The following PAN2 variants were observed in gnomAD, a reference collection of about 807,000 sequenced individuals.
The protein encoded by PAN2 is PAN2-PAN3 deadenylation complex catalytic subunit PAN2.
In PAN2, 68 loss-of-function variants were observed where a neutral mutation model predicts 133.3. The observed-to-expected ratio is 0.51, with a 90% CI of 0.42 to 0.62. The LOEUF is 0.62. PAN2 is among the 20% of genes least tolerant of loss of function. PAN2 has a pLI of 0.00. For synonymous variants in PAN2, 462 were observed against 544.6 expected (o/e 0.85, Z 2.11); for missense variants, 1,042 against 1,500.5 (o/e 0.69, Z 5.05).
rs1874205748 is a variant in PAN2, at chr12:56,318,979, G to C, written c.3364+109C>G. 16 of 989,282 alleles carry C rather than the reference G, an allele frequency of 1.6e-5. No homozygotes were observed. The South Asian group carries it at 2.1e-4, about 13-fold the overall frequency. The allele number at this position is 989,282 out of a possible 1,614,324, so 61.3% of individuals were successfully genotyped here. ...GTTTCTGAGTTAGTTCACTTAGTATGATGGCCCACAGCTCCATCCATGTTG... is the reference window on the plus strand; with the variant it reads ...GTTTCTGAGTTAGTTCACTTAGTATCATGGCCCACAGCTCCATCCATGTTG... On this transcript the variant is annotated intron_variant, in intron 24 of 25. Coordinates refer to ENST00000440411, the MANE Select transcript of PAN2 (RefSeq NM_014871.6).
chr12:56,332,909 G>A lies in PAN2; in HGVS notation c.186C>T (p.Tyr62=), dbSNP rs770328461. 1.7e-5 allele frequency: 27 copies of A among 1,614,050 alleles called. No homozygotes were observed. The highest frequency in any genetic ancestry group is 1.1e-4 in the East Asian group (5 of 44,900). ...QESVHIMEGV[Y]SELHSVVAEV... ...CAGCCACCACGCTGTGCAATTCAGA[G>A]TAGACACCTTCCATTATGTGCACTG... Residue 62 remains tyrosine, a synonymous_variant, in exon 2 of 26, where the codon TAC becomes TAT. Coordinates refer to ENST00000440411, the MANE Select transcript of PAN2 (RefSeq NM_014871.6).
At chr12:56,324,518 G>C in intron 11 of PAN2, 25 bp from the exon 12 acceptor site, 1 of 1,612,660 alleles carries the variant, frequency 6.2e-7, no homozygotes, top group East Asian at 2.2e-5. Context: ...GTGGAAAGGG[G>C]TTATTTTGTC....
chr12:56,327,104 A>G (rs1875206060), intron 6 of PAN2, 145 bp from the exon 7 acceptor site: 3 of 767,664 alleles, frequency 3.9e-6, no homozygotes, highest in Admixed American at 5.7e-5. Flanking sequence ...CGTGCCTTCC[A>G]TAAACCACAG....
intron 24 of PAN2, 63 bp from the exon 25 acceptor site, chr12:56,318,497 C>T (rs1874150083): frequency 2.3e-6 from 3 of 1,277,318 alleles, no homozygotes; most frequent in African/African-American, 3.0e-5. Context: ...CATGTCTCCC[C>T]ACTCCTACCT....
At chr12:56,324,870 T>C (rs1234987424) in intron 10 of PAN2, 139 bp downstream of exon 10, 4 of 1,363,654 alleles carry the variant, frequency 2.9e-6, no homozygotes, top group Admixed American at 4.7e-5. Flanking sequence ...TTGAAAGTTG[T>C]AGAGGCAAGA....
At chr12:56,320,600 T>C (rs1299960751) in intron 20 of PAN2, among the ~76,000 whole-genome samples, 1 of 151,670 alleles carries the variant, frequency 6.6e-6, no homozygotes, top group Non-Finnish European at 1.5e-5. Flanking sequence ...GCTGAGATCA[T>C]GCCATTGCAC....
At position 56,319,012 on chromosome 12, in the gene PAN2, G is replaced by C. The variant is rs1407817683; in HGVS notation, c.3364+76C>G. 1.1e-5 allele frequency: 15 copies of C among 1,424,316 alleles called. No individual in the cohort carries two copies. The highest frequency in any genetic ancestry group is 7.9e-6 in the Non-Finnish European group (8 of 1,009,936). 88.2% of individuals were successfully genotyped at this position (1,424,316 alleles called of 1,614,324 possible). On this transcript the variant is annotated intron_variant, in intron 24 of 25. Coordinates refer to ENST00000440411, the MANE Select transcript of PAN2 (RefSeq NM_014871.6). The surrounding 1 kb of genome is among the most constrained non-coding windows in gnomAD (Gnocchi z 5.4). ...ACAGCTCCATCCATGTTGCCGCAAA[G>C]AACATGATTTCTTTTTTTTTAAATG...
chr12:56,322,630 G>A lies in PAN2; in HGVS notation c.2622C>T (p.Tyr874=). The A allele has an allele frequency of 6.2e-7, 1 of 1,614,184 alleles. No individual in the cohort carries two copies. Among genetic ancestry groups the A allele is most frequent in the East Asian group, 2.2e-5 (1 of 44,880 alleles). Residue 874 remains tyrosine, a synonymous_variant, in exon 18 of 26, where the codon TAC becomes TAT. Coordinates refer to ENST00000440411, the MANE Select transcript of PAN2 (RefSeq NM_014871.6). ...LVAHIKVGET[Y]HQRKEGVTHQ... is the part of the protein sequence containing the mutation. The stretch of plus-strand genomic sequence containing the variant: ...CCTCACTCACCTCCTTGCGCTGGTG[G>A]TAGGTCTCTCCAACTTTGATGTGAG...
rs1874293081 is a variant in PAN2 at position 56,319,959 on chromosome 12, T to G, written c.2851A>C (p.Lys951Gln). Reference sequence around the variant, plus strand: ...AGTGGAATAAAGGTAGTATGTGTTTTCCGCTGCTTCCGTGCCAGCGAGGCT... The same window carrying G: ...AGTGGAATAAAGGTAGTATGTGTTTGCCGCTGCTTCCGTGCCAGCGAGGCT... ...AEASLARKQR[K>Q]THTTFIPLML... Residue 951 changes from lysine (K) to glutamine (Q), a missense_variant, in exon 21 of 26, where the codon AAA (lysine) becomes CAA (glutamine). This residue lies in a region of PAN2 where 908 missense variants were observed against 1,223.5 expected (regional missense o/e 0.74). Transcript: ENST00000440411. The surrounding 1 kb of genome is among the most constrained non-coding windows in gnomAD (Gnocchi z 5.4). The G allele has an allele frequency of 6.2e-7, 1 of 1,614,066 alleles. No homozygotes were observed. The highest frequency in any genetic ancestry group is 8.5e-7 in the Non-Finnish European group (1 of 1,180,038).
At chr12:56,331,524 A>G (rs1480027266) in intron 2 of PAN2, among the ~76,000 whole-genome samples, 1 of 152,028 alleles carries the variant, frequency 6.6e-6, no homozygotes, top group African/African-American at 2.4e-5. Flanking sequence ...TTTTTACCTC[A>G]CTGTCCTGTA....
At position 56,329,698 on chromosome 12, in the gene PAN2, C is replaced by G. The variant is rs143954001; in HGVS notation, c.283-1057G>C. 4.6e-5 allele frequency among the ~76,000 whole-genome samples: 7 copies of G among 151,226 alleles called. No individual in the cohort carries two copies. In the South Asian group the frequency reaches 1.5e-3, roughly 32 times the overall value. ...TGTGGCTCACACTGTAATCCCAGCA[C>G]TTTGGGAGGCCAAGGCAGGTGGATC... is the stretch of plus-strand genomic sequence containing the variant. On this transcript the variant is annotated intron_variant, in intron 2 of 25. Coordinates refer to ENST00000440411, the MANE Select transcript of PAN2 (RefSeq NM_014871.6).
intron 7 of PAN2, 92 bp downstream of exon 7, chr12:56,326,525 G>T (rs1422515065): frequency 6.0e-6 from 9 of 1,507,500 alleles, no homozygotes; most frequent in Non-Finnish European, 8.0e-6. Flanking sequence ...AATCAGGAAA[G>T]TAGTAGAATA....
rs548425374 is a variant in PAN2 at position 56,327,703 on chromosome 12, TG to T, written c.652-73del. The T allele has an allele frequency of 9.8e-6, 15 of 1,529,622 alleles. No individual in the cohort carries two copies. The East Asian group carries it at 3.4e-4, about 35-fold the overall frequency. 94.8% of individuals were successfully genotyped at this position (1,529,622 alleles called of 1,614,324 possible). A position where few individuals can be genotyped will look rare whatever the true frequency, so the allele number is the denominator to read the frequency against. ...AATACCTGCCACCTACCTAACCCAG[TG>T]GGGTCCCTACCAAAGGAACTAGGGC... On this transcript the variant is annotated intron_variant, in intron 5 of 25. Transcript: ENST00000440411.
At chr12:56,323,238 T>A (rs201058099) in intron 16 of PAN2, 29 bp from the exon 17 acceptor site, 258 of 1,613,818 alleles carry the variant, frequency 1.6e-4, no homozygotes, top group Non-Finnish European at 1.7e-4. Context: ...TGGAAATTTG[T>A]TCCGAAAGAG....
chr12:56,318,563 C>T (rs773235397), intron 24 of PAN2, 129 bp from the exon 25 acceptor site: 31 of 656,080 alleles, frequency 4.7e-5, no homozygotes, highest in Non-Finnish European at 7.5e-5. Flanking sequence ...CAGACATCTT[C>T]CTCAGTGCAC....
intron 1 of PAN2, 87 bp from the exon 2 acceptor site, chr12:56,333,295 T>A: frequency 1.7e-6 from 1 of 576,650 alleles, no homozygotes; most frequent in Non-Finnish European, 3.1e-6. Flanking sequence ...AGGAGGGAGA[T>A]GAGGCAGGCA....
rs1157602983 is a variant in PAN2 at position 56,324,123 on chromosome 12, C to T, written c.1991G>A (p.Cys664Tyr). The T allele has an allele frequency of 1.9e-6, 3 of 1,613,972 alleles. No individual in the cohort carries two copies. Among genetic ancestry groups the T allele is most frequent in the African/African-American group, 1.3e-5 (1 of 74,928 alleles). The change falls in exon 13 of 26, where the codon TGC becomes TAC. Residue 664 changes from cysteine (C) to tyrosine (Y), a missense_variant. Transcript: ENST00000440411. ...CTCACTGCCACAGCGGCAGAGGCTG[C>T]AGTTCTCCATCTCACAGCTGAAGAG... is the stretch of plus-strand genomic sequence containing the variant. The part of the protein sequence containing the change: ...GQLFSCEMEN[C>Y]SLCRCGSETV...
At chr12:56,329,258 A>G (rs1402961842) in intron 2 of PAN2, among the ~76,000 whole-genome samples, 1 of 152,132 alleles carries the variant, frequency 6.6e-6, no homozygotes, top group Non-Finnish European at 1.5e-5. Context: ...TAGTTGACCA[A>G]GCCATATATC....
Position 56,320,027 on chromosome 12 carries a change from A to C in PAN2, c.2789-6T>G, listed in dbSNP as rs1874298579. 1.2e-6 allele frequency: 2 copies of C among 1,614,090 alleles called. No homozygotes were observed. Among genetic ancestry groups the C allele is most frequent in the African/African-American group, 1.3e-5 (1 of 75,056 alleles). ...TGCCTCAATAGGGTTCTTGACTAGA[A>C]GGGAGAATGCAGAGGACACAGGGCT... On this transcript the variant is annotated splice_region_variant and splice_polypyrimidine_tract_variant and intron_variant, in intron 20 of 25. Coordinates refer to ENST00000440411, the MANE Select transcript of PAN2 (RefSeq NM_014871.6).
Sources: gnomAD v4.1 joint callset for allele counts (sites outside exome capture counted in the v4.1 genomes callset) on GRCh38, gnomAD v4.1.1 for gene constraint, gnomAD v4.1.1 regional missense constraint, Gnocchi (gnomAD v3.1) non-coding constraint, MANE v1.5 for transcripts, NCBI Gene and HGNC (gene_info 2026-07-23, HGNC 2026-07-21) for gene names.